PIP5K1B: variants seen among roughly 807,000 people sequenced by gnomAD.
PIP5K1B encodes phosphatidylinositol-4-phosphate 5-kinase type 1 beta.
In PIP5K1B, 42 loss-of-function variants were observed where a neutral mutation model predicts 67.0. That is an observed-to-expected ratio of 0.63 (90% CI 0.49 to 0.81). PIP5K1B has a LOEUF of 0.81. Among genes scored for constraint, PIP5K1B ranks in the 30% least tolerant of loss-of-function variants. The pLI is 0.00. For missense variants in PIP5K1B, 459 were observed against 646.3 expected, an observed-to-expected ratio of 0.71 and a Z score of 3.14; for synonymous variants, 214 against 231.4, an observed-to-expected ratio of 0.92 and a Z score of 0.68.
intron 8 of PIP5K1B, among the ~76,000 whole-genome samples, chr9:68,902,511 C>T (rs1034919096): frequency 3.3e-5 from 5 of 152,164 alleles, no homozygotes; most frequent in African/African-American, 1.2e-4. Flanking sequence ...AACATTCACC[C>T]GCTGATGAAC....
chr9:68,991,056 A>T, intron 14 of PIP5K1B, 84 bp from the exon 15 acceptor site: 1 of 783,806 alleles, frequency 1.3e-6, no homozygotes, highest in Non-Finnish European at 2.3e-6. Flanking sequence ...AAAGCTGCCC[A>T]CCTCACCCTC....
chr9:68,712,667 T>C (rs888681250), intron 1 of PIP5K1B, among the ~76,000 whole-genome samples: 4 of 152,226 alleles, frequency 2.6e-5, no homozygotes, highest in Non-Finnish European at 5.9e-5. Flanking sequence ...GCTTACGTGT[T>C]AGCTATGGCA....
At chr9:68,875,809 A>C (rs189993405) in intron 5 of PIP5K1B, among the ~76,000 whole-genome samples, 448 of 152,334 alleles carry the variant, frequency 2.9e-3, no homozygotes, top group Non-Finnish European at 5.2e-3. Context: ...AAACACTGAA[A>C]AATTTAAGAA....
intron 12 of PIP5K1B, among the ~76,000 whole-genome samples, chr9:68,926,964 C>T (rs1466078512): frequency 6.6e-6 from 1 of 152,216 alleles, no homozygotes; most frequent in Non-Finnish European, 1.5e-5. Flanking sequence ...CAGCCCCTGG[C>T]AACTACTGAT....
At chr9:68,933,537 C>T (rs1281559391) in intron 12 of PIP5K1B, among the ~76,000 whole-genome samples, 1 of 152,122 alleles carries the variant, frequency 6.6e-6, no homozygotes, top group African/African-American at 2.4e-5. Flanking sequence ...AGAAAATGAA[C>T]CACCTAGAAA....
At chr9:68,998,827 A>G (rs1033518549) in intron 15 of PIP5K1B, among the ~76,000 whole-genome samples, 1 of 152,228 alleles carries the variant, frequency 6.6e-6, no homozygotes, top group African/African-American at 2.4e-5. Flanking sequence ...TATTCGGTTT[A>G]TAAAAAATAA....
At chr9:68,809,852 A>C (rs964984203) in intron 2 of PIP5K1B, among the ~76,000 whole-genome samples, 4 of 152,222 alleles carry the variant, frequency 2.6e-5, no homozygotes, top group African/African-American at 9.6e-5. Flanking sequence ...GCCACATTGT[A>C]AATTGTAGCC....
At chr9:68,782,924 CT>C in intron 2 of PIP5K1B, 1 of 167,144 alleles carries the variant, frequency 6.0e-6, no homozygotes, top group East Asian at 1.9e-4. Flanking sequence ...TTGACTTTTC[CT>C]TTTCTCTGTT....
intron 2 of PIP5K1B, among the ~76,000 whole-genome samples, chr9:68,756,905 T>C (rs1829955061): frequency 6.6e-6 from 1 of 152,218 alleles, no homozygotes; most frequent in Non-Finnish European, 1.5e-5. Flanking sequence ...AGTTTCGACA[T>C]GTAATCAACT....
At chr9:68,894,169 G>A (rs1037318387) in intron 7 of PIP5K1B, among the ~76,000 whole-genome samples, 170 bp from the exon 8 acceptor site, 5 of 152,078 alleles carry the variant, frequency 3.3e-5, no homozygotes, top group African/African-American at 1.2e-4. Flanking sequence ...TGTCCAGTAA[G>A]CAGACTTAAG....
intron 15 of PIP5K1B, among the ~76,000 whole-genome samples, chr9:68,993,467 C>T (rs1407815248): frequency 6.6e-6 from 1 of 152,048 alleles, no homozygotes; most frequent in African/African-American, 2.4e-5. Context: ...CCCCACCAAC[C>T]GTTGTAAAAA....
intron 1 of PIP5K1B, among the ~76,000 whole-genome samples, chr9:68,727,003 T>C (rs1165740634): frequency 6.6e-6 from 1 of 152,016 alleles, no homozygotes; most frequent in Non-Finnish European, 1.5e-5. Flanking sequence ...TTAGCACACA[T>C]ATTTTTTATA....
chr9:68,830,735 G>A lies in PIP5K1B; in HGVS notation c.69+8052G>A, dbSNP rs528238345. ...GTTGAGTTTGGTGTGAATGGCAGGC[G>A]AGGAGGTTGGGGTGTTCAGTGTTAC... On this transcript the variant is annotated intron_variant, in intron 4 of 15. Coordinates refer to ENST00000265382, the MANE Select transcript of PIP5K1B (RefSeq NM_003558.4). Among the ~76,000 whole-genome samples the A allele has an allele frequency of 4.6e-5, 7 of 152,334 alleles. No homozygotes were observed. In the East Asian group the frequency reaches 1.3e-3, roughly 29 times the overall value.
intron 14 of PIP5K1B, among the ~76,000 whole-genome samples, chr9:68,974,586 T>C (rs1829545406): frequency 6.6e-6 from 1 of 152,248 alleles, no homozygotes; most frequent in Non-Finnish European, 1.5e-5. Context: ...TGTCGACCTG[T>C]ATAGCAGAGA....
At chr9:68,772,365 C>T (rs1380558946) in intron 2 of PIP5K1B, among the ~76,000 whole-genome samples, 2 of 152,142 alleles carry the variant, frequency 1.3e-5, no homozygotes, top group African/African-American at 4.8e-5. Context: ...CATGTGTCCT[C>T]CTGCAGTTTA....
At chr9:68,819,791 A>T (rs4744712) in intron 3 of PIP5K1B, among the ~76,000 whole-genome samples, 2 of 151,922 alleles carry the variant, frequency 1.3e-5, no homozygotes, top group African/African-American at 4.8e-5. Context: ...CCTGGTTAAT[A>T]GGTTTATGTG....
intron 4 of PIP5K1B, among the ~76,000 whole-genome samples, chr9:68,843,815 A>C (rs1299538154): frequency 2.0e-5 from 3 of 152,116 alleles, no homozygotes; most frequent in Non-Finnish European, 4.4e-5. Flanking sequence ...TTTCCAAGCA[A>C]CCCTTCTTGT....
chr9:68,965,939 A>G (rs1306877408), intron 14 of PIP5K1B, among the ~76,000 whole-genome samples: 1 of 145,316 alleles, frequency 6.9e-6, no homozygotes, highest in Non-Finnish European at 1.5e-5. Flanking sequence ...GTGCCACTGC[A>G]CTCCAACCTG....
At chr9:68,838,473 G>A (rs370657434) in intron 4 of PIP5K1B, among the ~76,000 whole-genome samples, 5 of 152,136 alleles carry the variant, frequency 3.3e-5, no homozygotes, top group East Asian at 1.9e-4. Flanking sequence ...ACGTACATTT[G>A]GGAAGTGTCA....
Sources: gnomAD v4.1 joint callset for allele counts (sites outside exome capture counted in the v4.1 genomes callset) on GRCh38, gnomAD v4.1.1 for gene constraint, MANE v1.5 for transcripts, NCBI Gene and HGNC (gene_info 2026-07-23, HGNC 2026-07-21) for gene names.